The following MTSS1 variants were observed in gnomAD, a reference collection of about 807,000 sequenced individuals.
MTSS1 encodes the protein MTSS I-BAR domain containing 1, also known as protein MTSS 1.
In MTSS1, 18 loss-of-function variants were observed where a neutral mutation model predicts 79.0. The observed-to-expected ratio is 0.23, with a 90% CI of 0.16 to 0.34. The LOEUF (loss-of-function observed/expected upper bound fraction) is 0.34, where lower values mean the gene tolerates loss of function less well. MTSS1 is among the 10% of genes least tolerant of loss of function. The pLI is 1.00. For missense variants in MTSS1, 815 were observed against 986.2 expected (o/e 0.83, Z 2.33); for synonymous variants, 341 against 368.6 (o/e 0.93, Z 0.86).
At chr8:124,608,751 A>G (rs1473538026) in intron 3 of MTSS1, among the ~76,000 whole-genome samples, 1 of 152,176 alleles carries the variant, frequency 6.6e-6, no homozygotes, top group Non-Finnish European at 1.5e-5. Flanking sequence ...TGCCTGGGGC[A>G]CTGTGTGGAG....
chr8:124,673,808 C>G (rs1549784), intron 3 of MTSS1, among the ~76,000 whole-genome samples: 145,762 of 152,336 alleles, frequency 0.96, 69,815 homozygotes, highest in East Asian at 1. Flanking sequence ...CACCAACGTG[C>G]CCATATTTCA....
intron 3 of MTSS1, among the ~76,000 whole-genome samples, chr8:124,691,364 T>C (rs1827901695): frequency 6.6e-6 from 1 of 152,238 alleles, no homozygotes; most frequent in South Asian, 2.1e-4. Flanking sequence ...TTGCCTATTA[T>C]TATAAATAGC....
chr8:124,568,359 G>A lies in MTSS1; in HGVS notation c.618+20C>T, dbSNP rs184847718. On this transcript the variant is annotated intron_variant, in intron 7 of 13. Coordinates refer to ENST00000518547, the MANE Select transcript of MTSS1 (RefSeq NM_014751.6). ...TCTACACCAGCAGTTTAAACCTTCT[G>A]GAGTTTTCCATTAACTTACAATCAC... 6.2e-4 allele frequency: 991 copies of A among 1,608,564 alleles called. 3 individuals are homozygous for A. In the African/African-American group the frequency reaches 0.012, roughly 19 times the overall value.
At position 124,710,235 on chromosome 8, in the gene MTSS1, G is replaced by A. The variant is rs139401937; in HGVS notation, c.73-6044C>T. On this transcript the variant is annotated intron_variant, in intron 1 of 13. Coordinates refer to ENST00000518547, the MANE Select transcript of MTSS1 (RefSeq NM_014751.6). ...GGACTTGGGACAGGTGAGGAAGACC[G>A]GGGTGGCCTTCATTCAGACAGTGAG... Among the ~76,000 whole-genome samples, 257 of 152,358 alleles carry A rather than the reference G, an allele frequency of 1.7e-3. 3 individuals are homozygous for A. The highest frequency in any genetic ancestry group is 5.9e-3 in the African/African-American group (247 of 41,590).
chr8:124,679,937 G>T (rs980024813), intron 3 of MTSS1, among the ~76,000 whole-genome samples: 5 of 151,960 alleles, frequency 3.3e-5, no homozygotes, highest in Non-Finnish European at 7.4e-5. Context: ...CACTATTTTG[G>T]GATTTAATTA....
intron 10 of MTSS1, among the ~76,000 whole-genome samples, chr8:124,562,007 A>C (rs1825439803): frequency 6.6e-6 from 1 of 152,198 alleles, no homozygotes; most frequent in Non-Finnish European, 1.5e-5. Context: ...TGGGTTTCCC[A>C]GCAGGTGGGG....
chr8:124,602,851 T>C (rs1231928223), intron 3 of MTSS1, among the ~76,000 whole-genome samples: 1 of 152,160 alleles, frequency 6.6e-6, no homozygotes, highest in Non-Finnish European at 1.5e-5. Flanking sequence ...TTTTAGGAAA[T>C]GTTACCTTGG....
At position 124,618,142 on chromosome 8, in the gene MTSS1, G is replaced by A. The variant is rs575000321; in HGVS notation, c.209-26907C>T. 4.7e-4 allele frequency among the ~76,000 whole-genome samples: 72 copies of A among 152,258 alleles called. 1 individual carries two copies. The highest frequency in any genetic ancestry group is 1.5e-3 in the African/African-American group (62 of 41,542). On this transcript the variant is annotated intron_variant, in intron 3 of 13. Coordinates refer to ENST00000518547, the MANE Select transcript of MTSS1 (RefSeq NM_014751.6). ...CTGCCTGGGGTCACACAGCTAACAT[G>A]CAAGGGATCTGGATTTCAAATGAGG...
rs547136826 is a variant in MTSS1 at position 124,615,184 on chromosome 8, G to C, written c.209-23949C>G. On this transcript the variant is annotated intron_variant, in intron 3 of 13. Coordinates refer to ENST00000518547, the MANE Select transcript of MTSS1 (RefSeq NM_014751.6). Reference sequence around the variant, plus strand: ...GCATGGCAGTGAGAGGATTAGGTTAGAGCAAGAGAGGCAGGAGGAGGCCAG... The same window carrying C: ...GCATGGCAGTGAGAGGATTAGGTTACAGCAAGAGAGGCAGGAGGAGGCCAG... Among the ~76,000 whole-genome samples the C allele has an allele frequency of 9.2e-5, 14 of 152,310 alleles. No homozygotes were observed. In the South Asian group the frequency reaches 2.7e-3, roughly 29 times the overall value.
At chr8:124,638,069 C>G (rs2133937961) in intron 3 of MTSS1, among the ~76,000 whole-genome samples, 1 of 152,378 alleles carries the variant, frequency 6.6e-6, no homozygotes, top group Non-Finnish European at 1.5e-5. Flanking sequence ...GACATTTCCC[C>G]TATGGGGTCT....
Position 124,670,053 on chromosome 8 carries a change from G to A in MTSS1, c.208+29473C>T, listed in dbSNP as rs375816269. 1.7e-4 allele frequency among the ~76,000 whole-genome samples: 26 copies of A among 152,328 alleles called. No homozygotes were observed. The East Asian group carries it at 4.8e-3, about 28-fold the overall frequency. ...CTGCCCTCATGGAGCCTACATGCTA[G>A]TGGGAGGGTGGAAACAGGCAAAACA... On this transcript the variant is annotated intron_variant, in intron 3 of 13. Transcript: ENST00000518547.
At chr8:124,573,673 C>T (rs1286426745) in intron 6 of MTSS1, among the ~76,000 whole-genome samples, 2 of 152,240 alleles carry the variant, frequency 1.3e-5, no homozygotes, top group South Asian at 4.1e-4. Flanking sequence ...CACCCAATTC[C>T]AGGACCATCA....
chr8:124,602,896 G>C (rs2014895), intron 3 of MTSS1, among the ~76,000 whole-genome samples: 44,436 of 152,080 alleles, frequency 0.29, 8,000 homozygotes, highest in African/African-American at 0.5. Context: ...AGAGACAGCC[G>C]CCTGCCCCCA....
chr8:124,552,887 G>A lies in MTSS1; in HGVS notation c.*105C>T. The A allele has an allele frequency of 8.6e-7, 1 of 1,163,904 alleles. No individual in the cohort carries two copies. Among genetic ancestry groups the A allele is most frequent in the Admixed American group, 2.6e-5 (1 of 39,182 alleles). 72.1% of individuals were successfully genotyped at this position (1,163,904 alleles called of 1,614,324 possible). On this transcript the variant is annotated 3_prime_UTR_variant, in exon 14 of 14. Coordinates refer to ENST00000518547, the MANE Select transcript of MTSS1 (RefSeq NM_014751.6). ...TACTTTCAAAAGAGCTATATTCCGA[G>A]TTGCCTACAAAATCTTTTGTTTTAT...
intron 3 of MTSS1, among the ~76,000 whole-genome samples, chr8:124,625,064 A>T (rs548725499): frequency 3.9e-5 from 6 of 152,326 alleles, no homozygotes; most frequent in African/African-American, 1.2e-4. Flanking sequence ...TTTTCTTTTC[A>T]GAGAAATGGT....
chr8:124,609,412 G>T (rs1291172532), intron 3 of MTSS1, among the ~76,000 whole-genome samples: 1 of 152,204 alleles, frequency 6.6e-6, no homozygotes, highest in Admixed American at 6.5e-5. Context: ...AGAGTTAAGG[G>T]TCAGAAAGAG....
chr8:124,668,934 G>T (rs541715417), intron 3 of MTSS1, among the ~76,000 whole-genome samples: 1 of 152,288 alleles, frequency 6.6e-6, no homozygotes, highest in East Asian at 1.9e-4. Flanking sequence ...TGTCCTACAT[G>T]TAGCAGGTCC....
chr8:124,568,530 C>T lies in MTSS1; in HGVS notation c.467G>A (p.Gly156Asp). The T allele has an allele frequency of 6.2e-7, 1 of 1,614,138 alleles. No individual in the cohort carries two copies. Among genetic ancestry groups the T allele is most frequent in the Non-Finnish European group, 8.5e-7 (1 of 1,180,020 alleles). ...KLQKKAKKGR[G>D]DIQPQLDSAL... is the part of the protein sequence containing the mutation. The stretch of plus-strand genomic sequence containing the variant: ...ACTGTCCAACTGAGGCTGGATATCA[C>T]CTCTCCCTGCAAAAAACAGAGACCC... Residue 156 changes from glycine to aspartate, a missense_variant, in exon 7 of 14, where the codon GGT (glycine) becomes GAT (aspartate). Physicochemically the swap from Gly to Asp is moderately conservative, Grantham distance 94. Transcript: ENST00000518547.
At chr8:124,561,769 T>C (rs949488850) in intron 10 of MTSS1, among the ~76,000 whole-genome samples, 2 of 152,062 alleles carry the variant, frequency 1.3e-5, no homozygotes, top group Non-Finnish European at 2.9e-5. Flanking sequence ...TATGGTTTAG[T>C]GAAGCACACA....
Sources: gnomAD v4.1 joint callset for allele counts (sites outside exome capture counted in the v4.1 genomes callset) on GRCh38, gnomAD v4.1.1 for gene constraint, MANE v1.5 for transcripts, NCBI Gene and HGNC (gene_info 2026-07-23, HGNC 2026-07-21) for gene names.